PAMR1: variants seen among roughly 807,000 people sequenced by gnomAD.
PAMR1 encodes the protein peptidase domain containing associated with muscle regeneration 1.
A neutral mutation model predicts 81.8 loss-of-function variants in PAMR1; 88 were observed. The ratio of observed to expected loss-of-function variants is 1.08; its 90% CI spans 0.91 to 1.28. The LOEUF (loss-of-function observed/expected upper bound fraction) is 1.28, where lower values mean the gene tolerates loss of function less well. Among genes scored for constraint, PAMR1 ranks in the 50% most tolerant of loss-of-function variants. PAMR1 has a pLI of 0.00. For missense variants in PAMR1, 935 were observed against 919.7 expected (o/e 1.02, Z -0.21); for synonymous variants, 336 against 345.3 (o/e 0.97, Z 0.30).
At chr11:35,482,818 A>G (rs1209561546) in intron 3 of PAMR1, among the ~76,000 whole-genome samples, 3 of 152,178 alleles carry the variant, frequency 2.0e-5, no homozygotes, top group Non-Finnish European at 4.4e-5. Flanking sequence ...GAGTTCATTC[A>G]TGACTTGGCT....
rs1856163433 is a variant in PAMR1 at position 35,441,464 on chromosome 11, A to C, written c.1033+17T>G. ...CTTCATCAATGTCCGTAGACTTCAG[A>C]AACAATTGTAAGTTACCTTTTATGC... On this transcript the variant is annotated intron_variant, in intron 7 of 10. Transcript: ENST00000619888. 1 of 1,589,602 alleles carries C rather than the reference A, an allele frequency of 6.3e-7. No homozygotes were observed. The highest frequency in any genetic ancestry group is 8.6e-7 in the Non-Finnish European group (1 of 1,160,152).
intron 1 of PAMR1, among the ~76,000 whole-genome samples, chr11:35,508,516 A>ATTTTTTTT (rs59836040): frequency 5.6e-4 from 55 of 98,020 alleles, no homozygotes; most frequent in African/African-American, 1.5e-3. Flanking sequence ...AGGAACCTCC[A>ATTTTTTTT]TTTTTTTTTT....
rs201163582 is a variant in PAMR1 at position 35,513,065 on chromosome 11, A to AC, written c.73+12447dup. Reference sequence around the variant, plus strand: ...CTTAGTGTTATCATGTTTAAGATCAACAATCATGCTCTGAGTCTTATCAGT... The same window carrying AC: ...CTTAGTGTTATCATGTTTAAGATCAACCAATCATGCTCTGAGTCTTATCAGT... On this transcript the variant is annotated intron_variant, in intron 1 of 10. Coordinates refer to ENST00000619888, the MANE Select transcript of PAMR1 (RefSeq NM_001001991.3). Among the ~76,000 whole-genome samples, 1,123 of 152,366 alleles carry AC rather than the reference A, an allele frequency of 7.4e-3. 58 individuals carry two copies. The highest frequency in any genetic ancestry group is 0.066 in the Admixed American group (1,007 of 15,302).
At chr11:35,473,311 G>A (rs111477222) in intron 4 of PAMR1, among the ~76,000 whole-genome samples, 1,609 of 152,258 alleles carry the variant, frequency 0.011, 30 homozygotes, top group African/African-American at 0.037. Flanking sequence ...CCTTTCCTGG[G>A]CAGCTAATAT....
At chr11:35,498,556 G>A (rs116882455) in intron 1 of PAMR1, among the ~76,000 whole-genome samples, 2,391 of 152,306 alleles carry the variant, frequency 0.016, 35 homozygotes, top group Non-Finnish European at 0.026. Context: ...ATTTCTCAAG[G>A]ATATGGTTTT....
chr11:35,492,851 T>G (rs141753240), intron 2 of PAMR1, among the ~76,000 whole-genome samples: 1 of 152,304 alleles, frequency 6.6e-6, no homozygotes, highest in Non-Finnish European at 1.5e-5. Context: ...CATGGCCTCT[T>G]GAGGGAGAGG....
chr11:35,511,999 C>CT (rs1851082125), intron 1 of PAMR1, among the ~76,000 whole-genome samples: 1 of 152,176 alleles, frequency 6.6e-6, no homozygotes, highest in Admixed American at 6.5e-5. Context: ...GGATCTCAAC[C>CT]TCGGTGACCT....
intron 2 of PAMR1, among the ~76,000 whole-genome samples, chr11:35,493,164 C>CTTCT (rs1850661449): frequency 6.6e-6 from 1 of 152,164 alleles, no homozygotes; most frequent in Non-Finnish European, 1.5e-5. Flanking sequence ...ATCCATAGAG[C>CTTCT]TTCTACCTTT....
At chr11:35,515,695 C>T (rs770792135) in intron 1 of PAMR1, among the ~76,000 whole-genome samples, 3 of 152,178 alleles carry the variant, frequency 2.0e-5, no homozygotes, top group Non-Finnish European at 4.4e-5. Flanking sequence ...AAGAACCTGC[C>T]ACCAGCCCTA....
Position 35,436,062 on chromosome 11 carries a change from G to T in PAMR1, c.1174C>A (p.Pro392Thr). Residue 392 changes from proline to threonine, a missense_variant, in exon 9 of 11, where the codon CCA (proline) becomes ACA (threonine). By Grantham distance (38) the Pro-to-Thr change is conservative. Transcript: ENST00000619888. ...QKLQSAPTKK[P>T]ALPFGDLPMG... ...GGCAGATCTCCAAAGGGAAGGGCTG[G>T]CTTCTTGGTAGGGGCACTCTGCAGT... The T allele has an allele frequency of 6.2e-7, 1 of 1,614,128 alleles. No individual in the cohort carries two copies. The highest frequency in any genetic ancestry group is 8.5e-7 in the Non-Finnish European group (1 of 1,180,014).
At chr11:35,504,909 G>GA (rs35554399) in intron 1 of PAMR1, among the ~76,000 whole-genome samples, 20,432 of 151,216 alleles carry the variant, frequency 0.14, 1,549 homozygotes, top group East Asian at 0.34. Flanking sequence ...CTTACTTTGG[G>GA]TTTTTTTGTT....
chr11:35,489,862 C>A (rs1308792072), intron 3 of PAMR1, among the ~76,000 whole-genome samples: 1 of 152,230 alleles, frequency 6.6e-6, no homozygotes, highest in Non-Finnish European at 1.5e-5. Context: ...CCATCCTCTA[C>A]TTCACCACTC....
intron 6 of PAMR1, among the ~76,000 whole-genome samples, chr11:35,451,223 A>G (rs1331937132): frequency 6.6e-6 from 1 of 152,172 alleles, no homozygotes; most frequent in Non-Finnish European, 1.5e-5. Context: ...TAGCTCTACT[A>G]TATTTAATGT....
upstream of PAMR1, among the ~76,000 whole-genome samples, chr11:35,526,674 A>T (rs568519289): frequency 1.4e-3 from 206 of 152,356 alleles, 1 homozygote; most frequent in African/African-American, 4.9e-3. Flanking sequence ...CGGGCAGCTT[A>T]GGCCCACAGG....
chr11:35,525,499 G>T lies in PAMR1; in HGVS notation c.73+14C>A, dbSNP rs372809786. The T allele has an allele frequency of 1.2e-6, 2 of 1,611,042 alleles. No individual in the cohort carries two copies. Among genetic ancestry groups the T allele is most frequent in the Admixed American group, 3.3e-5 (2 of 59,970 alleles). On this transcript the variant is annotated intron_variant, in intron 1 of 10. Coordinates refer to ENST00000619888, the MANE Select transcript of PAMR1 (RefSeq NM_001001991.3). ...GGTGTCCTCCTAGGGTGTCCCGGAC[G>T]CTACTCACAGTACCTCTTGGCAAGG...
intron 10 of PAMR1, 142 bp downstream of exon 10, chr11:35,434,370 A>AT: frequency 1.4e-6 from 1 of 699,304 alleles, no homozygotes; most frequent in East Asian, 2.6e-5. Context: ...CTCAATATGA[A>AT]ATAATGAACG....
upstream of PAMR1, among the ~76,000 whole-genome samples, chr11:35,528,462 G>A (rs1851423820): frequency 1.3e-5 from 2 of 152,092 alleles, no homozygotes; most frequent in Non-Finnish European, 2.9e-5. Flanking sequence ...CCACTTCTCT[G>A]CAAATTTATT....
At chr11:35,489,575 T>A (rs1012670675) in intron 3 of PAMR1, among the ~76,000 whole-genome samples, 1 of 152,212 alleles carries the variant, frequency 6.6e-6, no homozygotes, top group African/African-American at 2.4e-5. Flanking sequence ...CTCAGAACCA[T>A]GTCTAAGCTC....
chr11:35,504,506 G>A (rs973555559), intron 1 of PAMR1, among the ~76,000 whole-genome samples: 1 of 152,018 alleles, frequency 6.6e-6, no homozygotes, highest in African/African-American at 2.4e-5. Flanking sequence ...CCATCAGATG[G>A]TCCTGGGCTT....
Sources: allele counts gnomAD v4.1 joint callset (sites outside exome capture counted in the v4.1 genomes callset), GRCh38; gene constraint gnomAD v4.1.1; transcripts MANE v1.5; gene names NCBI Gene and HGNC (gene_info 2026-07-23, HGNC 2026-07-21).